Variants in OR51D1 observed in about 807,000 individuals in gnomAD.
OR51D1 encodes olfactory receptor family 51 subfamily D member 1, also known as olfactory receptor 51D1.
For missense variants in OR51D1, 452 were observed against 396.2 expected (o/e 1.14, Z -1.20); for synonymous variants, 187 against 161.1 (o/e 1.16, Z -1.22).
rs925267821 is a variant in OR51D1 at position 4,641,916 on chromosome 11, A to G, written c.*1151A>G. ...TGTCTAGTGTATATGTTTTAAGGCA[A>G]ACTTTCTTTGTGTGTTGGGTGTGTA... On this transcript the variant is annotated 3_prime_UTR_variant, in exon 2 of 2. Transcript: ENST00000641817. 2.0e-5 allele frequency: 3 copies of G among 152,440 alleles called. No homozygotes were observed. The highest frequency in any genetic ancestry group is 7.2e-5 in the African/African-American group (3 of 41,420). The allele number at this position is 152,440 out of a possible 1,614,324, so 9.4% of individuals were successfully genotyped here.
chr11:4,639,685 T>C (rs1234606423), intron 1 of OR51D1, 92 bp from the exon 2 acceptor site: 5 of 1,190,926 alleles, frequency 4.2e-6, no homozygotes, highest in Non-Finnish European at 6.0e-6. Flanking sequence ...TTTGTTACTG[T>C]CACCACTCCA....
At chr11:4,637,841 T>C (rs1420912788) in intron 1 of OR51D1, 88 bp downstream of exon 1, 3 of 152,878 alleles carry the variant, frequency 2.0e-5, no homozygotes, top group African/African-American at 7.3e-5. Flanking sequence ...GTGGTGCTGG[T>C]GGTGATTGGT....
rs185115600 is a variant in OR51D1, at chr11:4,639,691, C to T, written c.-14-86C>T. 3.6e-3 allele frequency: 4,586 copies of T among 1,286,840 alleles called. 25 individuals are homozygous for T. Among genetic ancestry groups the T allele is most frequent in the Non-Finnish European group, 4.5e-3 (4,100 of 920,666 alleles). 79.7% of individuals were successfully genotyped at this position (1,286,840 alleles called of 1,614,324 possible). A position where few individuals can be genotyped will look rare whatever the true frequency, so the allele number is the denominator to read the frequency against. ...TTAGTCCTGTTTGTTACTGTCACCACTCCAATGCCTTTTCCTCATTAGTCC... is the reference window on the plus strand; with the variant it reads ...TTAGTCCTGTTTGTTACTGTCACCATTCCAATGCCTTTTCCTCATTAGTCC... On this transcript the variant is annotated intron_variant, in intron 1 of 1. Coordinates refer to ENST00000641817, the MANE Select transcript of OR51D1 (RefSeq NM_001004751.3).
In OR51D1 at chr11:4,640,612, G is replaced by A. The variant is rs751398645; in HGVS notation, c.822G>A (p.Val274=). 22 of 1,592,458 alleles carry A rather than the reference G, an allele frequency of 1.4e-5. No homozygotes were observed. The highest frequency in any genetic ancestry group is 8.5e-7 in the Non-Finnish European group (1 of 1,171,586). ...TACCCCTCATTGGGCTCTCGGTGGT[G>A]CATAGGCTGGGTGGTCCCACCTCCC... ...FYVPLIGLSV[V]HRLGGPTSLL... The change falls in exon 2 of 2, where the codon GTG becomes GTA. Residue 274 remains valine (V), a synonymous_variant. Coordinates refer to ENST00000641817, the MANE Select transcript of OR51D1 (RefSeq NM_001004751.3).
At chr11:4,638,439 G>A (rs545842121) in intron 1 of OR51D1, among the ~76,000 whole-genome samples, 3 of 151,880 alleles carry the variant, frequency 2.0e-5, no homozygotes, top group South Asian at 2.1e-4. Flanking sequence ...AGCCTGGGAC[G>A]TTGTGTGATC....
Position 4,641,157 on chromosome 11 carries a change from C to T in OR51D1, c.*392C>T, listed in dbSNP as rs1846963717. On this transcript the variant is annotated 3_prime_UTR_variant, in exon 2 of 2. Coordinates refer to ENST00000641817, the MANE Select transcript of OR51D1 (RefSeq NM_001004751.3). ...GGACTATAAACGTTATTGCAAATAC[C>T]CTAAAGTGGTTACCCAGCCATAATC... 5.9e-6 allele frequency: 1 copy of T among 170,628 alleles called. No homozygotes were observed. Among genetic ancestry groups the T allele is most frequent in the Non-Finnish European group, 1.3e-5 (1 of 78,984 alleles). The allele number at this position is 170,628 out of a possible 1,614,324, so 10.6% of individuals were successfully genotyped here.
chr11:4,642,727 T>C lies in OR51D1; in HGVS notation c.*1962T>C, dbSNP rs1018750107. On this transcript the variant is annotated 3_prime_UTR_variant, in exon 2 of 2. Coordinates refer to ENST00000641817, the MANE Select transcript of OR51D1 (RefSeq NM_001004751.3). ...CATTCACCTCATTATTCACCTTGTC[T>C]CATGTCTCACTGTCCTTCCACATGT... The C allele has an allele frequency of 6.6e-6, 1 of 152,210 alleles. No individual in the cohort carries two copies. The highest frequency in any genetic ancestry group is 6.5e-5 in the Admixed American group (1 of 15,276). 9.4% of individuals were successfully genotyped at this position (152,210 alleles called of 1,614,324 possible).
intron 1 of OR51D1, among the ~76,000 whole-genome samples, chr11:4,639,373 C>G (rs1456136224): frequency 2.6e-5 from 4 of 152,180 alleles, no homozygotes; most frequent in Non-Finnish European, 5.9e-5. Context: ...CCCCAGGATA[C>G]ATCAGAAGAG....
chr11:4,640,453 T>C lies in OR51D1; in HGVS notation c.663T>C (p.Gly221=). 1 of 1,614,152 alleles carries C rather than the reference T, an allele frequency of 6.2e-7. No individual in the cohort carries two copies. Among genetic ancestry groups the C allele is most frequent in the Non-Finnish European group, 8.5e-7 (1 of 1,180,018 alleles). ...TCTTCATCATCCTCTCAGTCATGGG[T>C]GTGGACTCTCTCTTCATTGGCTTCT... ...YGLFIILSVM[G]VDSLFIGFSY... is the part of the protein sequence containing the mutation. Residue 221 remains glycine, a synonymous_variant, in exon 2 of 2, where the codon GGT becomes GGC. Transcript: ENST00000641817.
In OR51D1 at chr11:4,640,830, G is replaced by A. The variant is rs1846960241; in HGVS notation, c.*65G>A. On this transcript the variant is annotated 3_prime_UTR_variant, in exon 2 of 2. Coordinates refer to ENST00000641817, the MANE Select transcript of OR51D1 (RefSeq NM_001004751.3). The stretch of plus-strand genomic sequence containing the variant: ...TGGGAATATTAGGATCCTATTGAAT[G>A]CCTTGGTGATTAAAGTATCAAACCT... 2.1e-6 allele frequency: 3 copies of A among 1,442,018 alleles called. No homozygotes were observed. Among genetic ancestry groups the A allele is most frequent in the East Asian group, 2.3e-5 (1 of 43,820 alleles). The allele number at this position is 1,442,018 out of a possible 1,614,324, so 89.3% of individuals were successfully genotyped here.
At position 4,639,833 on chromosome 11, in the gene OR51D1, A is replaced by C. The variant is rs1255046434; in HGVS notation, c.43A>C (p.Asn15His). ...CTTGGTCCCTATCATAGCCACTTCA[A>C]ATGGAAATCTGGTCCACGCAGCATA... is the stretch of plus-strand genomic sequence containing the variant. ...QLLVPIIATS[N>H]GNLVHAAYFL... The change falls in exon 2 of 2, where the codon AAT (asparagine) becomes CAT (histidine). Residue 15 changes from asparagine (N) to histidine (H), a missense_variant. Transcript: ENST00000641817. 1.2e-6 allele frequency: 2 copies of C among 1,613,998 alleles called. No homozygotes were observed. Among genetic ancestry groups the C allele is most frequent in the Non-Finnish European group, 1.7e-6 (2 of 1,180,006 alleles).
Position 4,640,037 on chromosome 11 carries a change from G to T in OR51D1, c.247G>T (p.Asp83Tyr), listed in dbSNP as rs1846943629. 1 of 1,614,116 alleles carries T rather than the reference G, an allele frequency of 6.2e-7. No individual in the cohort carries two copies. The highest frequency in any genetic ancestry group is 8.5e-7 in the Non-Finnish European group (1 of 1,180,032). ...YLFLAMLSTIDLVLSSITMPK... is the reference protein window; with the variant it reads ...YLFLAMLSTIYLVLSSITMPK... ...CTTCCTGGCCATGCTTTCCACTATT[G>T]ACCTAGTCCTCTCCTCTATCACCAT... is the stretch of plus-strand genomic sequence containing the variant. The change falls in exon 2 of 2, where the codon GAC becomes TAC. Residue 83 changes from aspartate to tyrosine, a missense_variant. Coordinates refer to ENST00000641817, the MANE Select transcript of OR51D1 (RefSeq NM_001004751.3).
intron 1 of OR51D1, among the ~76,000 whole-genome samples, chr11:4,638,987 T>G (rs536967472): frequency 3.9e-4 from 59 of 152,144 alleles, no homozygotes; most frequent in Non-Finnish European, 7.3e-4. Context: ...GAGGCAGGGT[T>G]TCACCATGTT....
At position 4,641,730 on chromosome 11, in the gene OR51D1, T is replaced by A. The variant is rs190291723; in HGVS notation, c.*965T>A. 6.5e-6 allele frequency: 1 copy of A among 152,736 alleles called. No individual in the cohort carries two copies. Among genetic ancestry groups the A allele is most frequent in the East Asian group, 1.9e-4 (1 of 5,194 alleles). The allele number at this position is 152,736 out of a possible 1,614,324, so 9.5% of individuals were successfully genotyped here. ...ATGTGTGGAATGTGTAGTATTGGGA[T>A]GCCTGTATCTTTCAGCGTGTTTGGG... is the stretch of plus-strand genomic sequence containing the variant. On this transcript the variant is annotated 3_prime_UTR_variant, in exon 2 of 2. Transcript: ENST00000641817.
In OR51D1 at chr11:4,641,913, G is replaced by A. The variant is rs1370785041; in HGVS notation, c.*1148G>A. 6.6e-6 allele frequency: 1 copy of A among 152,376 alleles called. No homozygotes were observed. Among genetic ancestry groups the A allele is most frequent in the Non-Finnish European group, 1.5e-5 (1 of 68,014 alleles). The allele number at this position is 152,376 out of a possible 1,614,324, so 9.4% of individuals were successfully genotyped here. A position where few individuals can be genotyped will look rare whatever the true frequency, so the allele number is the denominator to read the frequency against. Reference sequence around the variant, plus strand: ...ATATGTCTAGTGTATATGTTTTAAGGCAAACTTTCTTTGTGTGTTGGGTGT... The same window carrying A: ...ATATGTCTAGTGTATATGTTTTAAGACAAACTTTCTTTGTGTGTTGGGTGT... On this transcript the variant is annotated 3_prime_UTR_variant, in exon 2 of 2. Transcript: ENST00000641817.
intron 1 of OR51D1, among the ~76,000 whole-genome samples, chr11:4,638,420 A>C (rs575307229): frequency 1.3e-5 from 2 of 152,312 alleles, no homozygotes; most frequent in African/African-American, 4.8e-5. Context: ...TGTAGAGAGA[A>C]AGAAGTTGAG....
rs1479073863 is a variant in OR51D1 at position 4,641,405 on chromosome 11, C to T, written c.*640C>T. On this transcript the variant is annotated 3_prime_UTR_variant, in exon 2 of 2. Coordinates refer to ENST00000641817, the MANE Select transcript of OR51D1 (RefSeq NM_001004751.3). ...ATGTGTGGGTGTGTTTATGTGGACACTTGCTTTTCAGTGTGCGTATATGTG... is the reference window on the plus strand; with the variant it reads ...ATGTGTGGGTGTGTTTATGTGGACATTTGCTTTTCAGTGTGCGTATATGTG... 6.5e-6 allele frequency: 1 copy of T among 153,552 alleles called. No homozygotes were observed. Among genetic ancestry groups the T allele is most frequent in the Admixed American group, 6.5e-5 (1 of 15,356 alleles). 9.5% of individuals were successfully genotyped at this position (153,552 alleles called of 1,614,324 possible). A position where few individuals can be genotyped will look rare whatever the true frequency, so the allele number is the denominator to read the frequency against.
At chr11:4,637,792 A>T (rs576450617) in intron 1 of OR51D1, 39 bp downstream of exon 1, 199 of 152,540 alleles carry the variant, frequency 1.3e-3, no homozygotes, top group Non-Finnish European at 1.8e-3. Context: ...AATGTGTGTG[A>T]GTGTGTACGT....
intron 1 of OR51D1, among the ~76,000 whole-genome samples, chr11:4,638,189 G>T (rs1908177): frequency 0.28 from 43,287 of 152,000 alleles, 7,805 homozygotes; most frequent in Non-Finnish European, 0.42. Flanking sequence ...AATTGCATGT[G>T]GGGGTGAAAG....
Sources: gnomAD v4.1 joint callset for allele counts (sites outside exome capture counted in the v4.1 genomes callset) on GRCh38, gnomAD v4.1.1 for gene constraint, MANE v1.5 for transcripts, NCBI Gene and HGNC (gene_info 2026-07-23, HGNC 2026-07-21) for gene names.